OR10R2: variants seen among roughly 807,000 people sequenced by gnomAD.
OR10R2 encodes olfactory receptor 10R2.
A neutral mutation model predicts 2.4 loss-of-function variants in OR10R2; 1 was observed. The ratio of observed to expected loss-of-function variants is 0.41; its 90% CI spans 0.15 to 1.95. The LOEUF (loss-of-function observed/expected upper bound fraction) is 1.95, where lower values mean the gene tolerates loss of function less well. OR10R2 is among the 30% of genes most tolerant of loss of function. The pLI is 0.30. For synonymous variants in OR10R2, 166 were observed against 144.8 expected (o/e 1.15, Z -1.05); for missense variants, 419 against 373.0 (o/e 1.12, Z -1.01).
intron 1 of OR10R2, among the ~76,000 whole-genome samples, chr1:158,473,064 A>G (rs1184567799): frequency 6.6e-6 from 1 of 152,230 alleles, no homozygotes; most frequent in Non-Finnish European, 1.5e-5. Context: ...CTTTCTTCAT[A>G]ACATAAATTT....
At chr1:158,476,361 G>C (rs10797010) in intron 1 of OR10R2, among the ~76,000 whole-genome samples, 83,262 of 151,306 alleles carry the variant, frequency 0.55, 23,029 homozygotes, top group Middle Eastern at 0.64. Context: ...TCCTGGCTAA[G>C]GCGGTGAAAC....
chr1:158,480,088 C>T (rs772591477), exon 2 of OR10R2: 2 of 1,613,790 alleles, frequency 1.2e-6, no homozygotes, highest in South Asian at 2.2e-5. Context: ...TGTCATCCAC[C>T]TGGATAAAAG....
At position 158,474,934 on chromosome 1, in the gene OR10R2, C is replaced by T. The variant is rs557697513; in HGVS notation, c.27+2582C>T. On this transcript the variant is annotated intron_variant, in intron 1 of 1. Transcript: ENST00000641067. ...CGTATTTTCCTATAAGACAAAGAGA[C>T]CAGCAAAAAAAAATTAATAATAGTT... is the stretch of plus-strand genomic sequence containing the variant. Among the ~76,000 whole-genome samples the T allele has an allele frequency of 3.3e-5, 5 of 151,594 alleles. No individual in the cohort carries two copies. The South Asian group carries it at 8.4e-4, about 25-fold the overall frequency.
chr1:158,480,625 T>G (rs777555157), exon 2 of OR10R2: 1 of 1,614,010 alleles, frequency 6.2e-7, no homozygotes, highest in South Asian at 1.1e-5. Context: ...GAAGATTCCC[T>G]CAGCTGAGGG....
At chr1:158,476,244 T>G (rs976199057) in intron 1 of OR10R2, among the ~76,000 whole-genome samples, 1 of 151,980 alleles carries the variant, frequency 6.6e-6, no homozygotes, top group Non-Finnish European at 1.5e-5. Context: ...GTTTTCTATA[T>G]TTTTTAAAAA....
rs6666585 is a variant in OR10R2, at chr1:158,480,622, C to T, written c.712C>T (p.Pro238Ser). 1.9e-3 allele frequency: 3,136 copies of T among 1,613,740 alleles called. 56 individuals carry two copies. In the African/African-American group the frequency reaches 0.037, roughly 19 times the overall value. The change falls in exon 2 of 2, where the codon CCC (proline) becomes TCC (serine). Residue 238 changes from proline (P) to serine (S), a missense_variant. Physicochemically the swap from Pro to Ser is moderately conservative, Grantham distance 74. Transcript: ENST00000641067. ...CATTCTGAGGACTATCCTGAAGATT[C>T]CCTCAGCTGAGGGCAGACGGAAAGC...
Position 158,479,922 on chromosome 1 carries a change from C to G in OR10R2, c.28-16C>G. 1.2e-6 allele frequency: 2 copies of G among 1,613,618 alleles called. No homozygotes were observed. The highest frequency in any genetic ancestry group is 1.7e-6 in the Non-Finnish European group (2 of 1,179,660). Reference sequence around the variant, plus strand: ...TCACATACCTGAATATGTTTTACTTCTTTCCCCCTTTGCAGATCTTGGCAG... The same window carrying G: ...TCACATACCTGAATATGTTTTACTTGTTTCCCCCTTTGCAGATCTTGGCAG... On this transcript the variant is annotated splice_polypyrimidine_tract_variant and intron_variant, in intron 1 of 1. Transcript: ENST00000641067.
At chr1:158,474,537 C>T (rs1656234996) in intron 1 of OR10R2, 2 of 152,162 alleles carry the variant, frequency 1.3e-5, no homozygotes, top group African/African-American at 4.8e-5. Flanking sequence ...AGAGAGGAAT[C>T]AGTCATGTAG....
intron 1 of OR10R2, among the ~76,000 whole-genome samples, chr1:158,476,183 C>T (rs111285389): frequency 0.025 from 3,728 of 151,910 alleles, 70 homozygotes; most frequent in African/African-American, 0.052. Flanking sequence ...ATATGATTTT[C>T]GTATGATTTT....
chr1:158,477,363 T>A (rs1656289904), intron 1 of OR10R2, among the ~76,000 whole-genome samples: 1 of 152,176 alleles, frequency 6.6e-6, no homozygotes, highest in Non-Finnish European at 1.5e-5. Context: ...GTCAAACTAT[T>A]TGTCTCCATT....
chr1:158,477,857 A>T (rs1472684759), intron 1 of OR10R2, among the ~76,000 whole-genome samples: 1 of 152,150 alleles, frequency 6.6e-6, no homozygotes, highest in Non-Finnish European at 1.5e-5. Context: ...AACCCTAAAG[A>T]AAAAGAACAA....
At chr1:158,476,478 G>A (rs1163639958) in intron 1 of OR10R2, among the ~76,000 whole-genome samples, 1 of 150,144 alleles carries the variant, frequency 6.7e-6, no homozygotes, top group Non-Finnish European at 1.5e-5. Context: ...AACCCGGGAG[G>A]CGGAGCTTGC....
At chr1:158,476,371 C>T (rs997690472) in intron 1 of OR10R2, among the ~76,000 whole-genome samples, 1 of 151,556 alleles carries the variant, frequency 6.6e-6, no homozygotes, top group South Asian at 2.1e-4. Flanking sequence ...GGCGGTGAAA[C>T]CCCGTCTCTA....
exon 2 of OR10R2, chr1:158,480,228 T>C: frequency 6.2e-7 from 1 of 1,613,972 alleles, no homozygotes; most frequent in Non-Finnish European, 8.5e-7. Flanking sequence ...TCAACTGTTG[T>C]GCTCTTCAAA....
chr1:158,475,745 T>C (rs1168045575), intron 1 of OR10R2, among the ~76,000 whole-genome samples: 1 of 151,702 alleles, frequency 6.6e-6, no homozygotes, highest in Non-Finnish European at 1.5e-5. Flanking sequence ...TGCTTAATAC[T>C]CTTTGATAAT....
exon 2 of OR10R2, chr1:158,480,184 A>G (rs144478152): frequency 1.9e-6 from 3 of 1,613,964 alleles, no homozygotes; most frequent in African/African-American, 2.7e-5. Flanking sequence ...CAAGATGCTC[A>G]TCAATCTACT....
At chr1:158,479,845 C>G (rs1452673133) in intron 1 of OR10R2, 93 bp from the exon 2 acceptor site, 7 of 1,352,792 alleles carry the variant, frequency 5.2e-6, no homozygotes, top group Middle Eastern at 1.9e-4. Flanking sequence ...CAAGATTCTT[C>G]TTTGTCACCA....
intron 1 of OR10R2, 158 bp from the exon 2 acceptor site, chr1:158,479,780 C>T (rs1421064103): frequency 2.8e-6 from 2 of 702,680 alleles, no homozygotes; most frequent in Non-Finnish European, 4.9e-6. Flanking sequence ...AAGAAGAGGA[C>T]CATGAACCAA....
intron 1 of OR10R2, among the ~76,000 whole-genome samples, chr1:158,473,279 T>C (rs1221622046): frequency 6.6e-6 from 1 of 152,172 alleles, no homozygotes; most frequent in African/African-American, 2.4e-5. Context: ...ATACGGAAAC[T>C]TTTGTCAAAT....
Sources: allele counts gnomAD v4.1 joint callset (sites outside exome capture counted in the v4.1 genomes callset), GRCh38; gene constraint gnomAD v4.1.1; transcripts MANE v1.5; gene names NCBI Gene and HGNC (gene_info 2026-07-23, HGNC 2026-07-21).